The following GPR141 variants were observed in gnomAD, a reference collection of about 807,000 sequenced individuals.
The protein encoded by GPR141 is G protein-coupled receptor 141, also known as probable G protein-coupled receptor 141.
A neutral mutation model predicts 6.8 loss-of-function variants in GPR141; 6 were observed. The observed-to-expected ratio is 0.88, with a 90% CI of 0.48 to 1.74. The LOEUF is 1.74. Ranked by LOEUF, GPR141 falls within the 40% of genes most tolerant of loss-of-function variation. The pLI is 0.01. For missense variants in GPR141, 372 were observed against 372.9 expected (o/e 1.00, Z 0.02); for synonymous variants, 140 against 142.3 (o/e 0.98, Z 0.11).
At chr7:37,711,709 T>C (rs536196281) in intron 2 of GPR141, among the ~76,000 whole-genome samples, 1 of 152,336 alleles carries the variant, frequency 6.6e-6, no homozygotes, top group African/African-American at 2.4e-5. Flanking sequence ...AGGCAACCTT[T>C]CTCTGAAATC....
intron 2 of GPR141, among the ~76,000 whole-genome samples, chr7:37,722,069 A>G (rs578197728): frequency 2.1e-4 from 32 of 152,370 alleles, no homozygotes; most frequent in Admixed American, 1.2e-3. Context: ...ACATAAAGCA[A>G]CTTGGCACTA....
chr7:37,687,331 A>T (rs968498655), intron 2 of GPR141, among the ~76,000 whole-genome samples: 1 of 152,000 alleles, frequency 6.6e-6, no homozygotes, highest in Non-Finnish European at 1.5e-5. Context: ...GTAATGAAAA[A>T]CCTGAGTAGC....
chr7:37,706,492 G>T (rs1250822141), intron 2 of GPR141, among the ~76,000 whole-genome samples: 1 of 152,170 alleles, frequency 6.6e-6, no homozygotes, highest in Non-Finnish European at 1.5e-5. Flanking sequence ...CCACCCTGCA[G>T]ATTTCTGTGA....
chr7:37,733,139 C>T (rs928849745), intron 2 of GPR141, among the ~76,000 whole-genome samples: 3 of 152,038 alleles, frequency 2.0e-5, no homozygotes, highest in South Asian at 2.1e-4. Context: ...TAGGTCTGGG[C>T]GGGGCTGAGA....
rs554697792 is a variant in GPR141, at chr7:37,727,500, TA to T, written c.-14-12879del. On this transcript the variant is annotated intron_variant, in intron 2 of 2. Coordinates refer to ENST00000334425, the MANE Select transcript of GPR141 (RefSeq NM_001381946.1). ...CTTCTCTCTGAGGACATTTTAAAGTTACTTTTTTCCACTTTGCCCTCTTAGC... is the reference window on the plus strand; with the variant it reads ...CTTCTCTCTGAGGACATTTTAAAGTTCTTTTTTCCACTTTGCCCTCTTAGC... Among the ~76,000 whole-genome samples the T allele has an allele frequency of 2.6e-5, 4 of 152,240 alleles. No individual in the cohort carries two copies. In the South Asian group the frequency reaches 8.3e-4, roughly 31 times the overall value.
chr7:37,718,522 A>AG (rs59489168), intron 2 of GPR141, among the ~76,000 whole-genome samples: 13,455 of 42,326 alleles, frequency 0.32, 782 homozygotes, highest in East Asian at 0.41. Flanking sequence ...GAAGGAAGGA[A>AG]GAAAGGAAGG....
At chr7:37,686,257 C>T (rs1237014870) in intron 2 of GPR141, among the ~76,000 whole-genome samples, 3 of 150,728 alleles carry the variant, frequency 2.0e-5, no homozygotes, top group Non-Finnish European at 4.4e-5. Context: ...CTGACTCAGA[C>T]TCAGACTAAA....
intron 2 of GPR141, among the ~76,000 whole-genome samples, chr7:37,714,787 G>T (rs960953437): frequency 9.9e-5 from 15 of 152,090 alleles, no homozygotes; most frequent in Admixed American, 4.6e-4. Flanking sequence ...GCACTGTTAC[G>T]CCATGGCAGT....
chr7:37,690,059 T>A, intron 2 of GPR141, among the ~76,000 whole-genome samples: 1 of 152,182 alleles, frequency 6.6e-6, no homozygotes, highest in South Asian at 2.1e-4. Flanking sequence ...ATACTGCTTT[T>A]GCTGTGCTCC....
At chr7:37,714,731 T>C (rs1810966847) in intron 2 of GPR141, among the ~76,000 whole-genome samples, 1 of 152,324 alleles carries the variant, frequency 6.6e-6, no homozygotes, top group East Asian at 1.9e-4. Flanking sequence ...TCCAAAAACA[T>C]GTTTATTTTT....
chr7:37,698,583 G>A (rs1810133407), intron 2 of GPR141, among the ~76,000 whole-genome samples: 1 of 152,170 alleles, frequency 6.6e-6, no homozygotes, highest in South Asian at 2.1e-4. Flanking sequence ...ATTGGATGCT[G>A]TCAGAAAGCA....
chr7:37,686,086 C>G (rs1400891527), intron 2 of GPR141, among the ~76,000 whole-genome samples: 1 of 151,944 alleles, frequency 6.6e-6, no homozygotes, highest in Non-Finnish European at 1.5e-5. Context: ...GAAGCCTTCA[C>G]CTCCTGGAAT....
intron 2 of GPR141, among the ~76,000 whole-genome samples, chr7:37,719,068 T>A (rs1378017211): frequency 6.6e-6 from 1 of 152,220 alleles, no homozygotes; most frequent in Admixed American, 6.5e-5. Flanking sequence ...CTTTCTCCTG[T>A]GACCTGGGAA....
intron 2 of GPR141, among the ~76,000 whole-genome samples, chr7:37,726,080 A>G (rs748985574): frequency 1.4e-4 from 21 of 152,206 alleles, no homozygotes; most frequent in Non-Finnish European, 2.1e-4. Flanking sequence ...CACTGCCACC[A>G]TGTGGAAACC....
At position 37,699,122 on chromosome 7, in the gene GPR141, A is replaced by T. The variant is rs1021503321; in HGVS notation, c.-15+13539A>T. On this transcript the variant is annotated intron_variant, in intron 2 of 2. Coordinates refer to ENST00000334425, the MANE Select transcript of GPR141 (RefSeq NM_001381946.1). ...TTTGACTTTACTTATAATAGAAAAC[A>T]TACTTTGATCCAGAATCACGGATTG... Among the ~76,000 whole-genome samples, 4 of 152,244 alleles carry T rather than the reference A, an allele frequency of 2.6e-5. No homozygotes were observed. In the East Asian group the frequency reaches 7.7e-4, roughly 29 times the overall value.
intron 2 of GPR141, among the ~76,000 whole-genome samples, chr7:37,708,636 C>G (rs779621089): frequency 5.9e-5 from 9 of 152,102 alleles, no homozygotes; most frequent in Non-Finnish European, 1.2e-4. Flanking sequence ...AGAGGGAAAT[C>G]AGGGTGACAT....
chr7:37,728,510 A>T (rs935826319), intron 2 of GPR141, among the ~76,000 whole-genome samples: 4 of 151,842 alleles, frequency 2.6e-5, no homozygotes, highest in Middle Eastern at 3.4e-3. Context: ...ATTGTGTAGG[A>T]CTCTCATTTT....
At chr7:37,709,209 C>T (rs953164151) in intron 2 of GPR141, among the ~76,000 whole-genome samples, 1 of 152,118 alleles carries the variant, frequency 6.6e-6, no homozygotes, top group African/African-American at 2.4e-5. Context: ...ATCCACCTGC[C>T]CAAAGCAGCA....
At position 37,740,353 on chromosome 7, in the gene GPR141, G is replaced by A. The variant is rs1583583985; in HGVS notation, c.-14-27G>A. 4.9e-6 allele frequency: 7 copies of A among 1,421,842 alleles called. 1 individual carries two copies. The East Asian group carries it at 1.6e-4, about 33-fold the overall frequency. The allele number at this position is 1,421,842 out of a possible 1,614,324, so 88.1% of individuals were successfully genotyped here. On this transcript the variant is annotated intron_variant, in intron 2 of 2. Transcript: ENST00000334425. ...GGAACAAAGCTCTGAAAGCTTGTCA[G>A]TTACTCTGGTGCTTTTTCTCCTCCA...
Sources: gnomAD v4.1 joint callset for allele counts (sites outside exome capture counted in the v4.1 genomes callset) on GRCh38, gnomAD v4.1.1 for gene constraint, MANE v1.5 for transcripts, NCBI Gene and HGNC (gene_info 2026-07-23, HGNC 2026-07-21) for gene names.